The following SDC4 variants were observed in gnomAD, a reference collection of about 807,000 sequenced individuals.
SDC4 encodes syndecan 4, also known as syndecan-4.
Under a neutral mutation model 20.5 loss-of-function variants are expected in SDC4, and 17 were observed. The ratio of observed to expected loss-of-function variants is 0.83; its 90% CI spans 0.57 to 1.25. The LOEUF (loss-of-function observed/expected upper bound fraction) is 1.25, where lower values mean the gene tolerates loss of function less well. Among genes scored for constraint, SDC4 ranks in the 50% most tolerant of loss-of-function variants. The pLI, the probability that SDC4 is intolerant of heterozygous loss-of-function variation, is 0.00. For missense variants in SDC4, 241 were observed against 252.3 expected (o/e 0.96, Z 0.30); for synonymous variants, 107 against 105.3 (o/e 1.02, Z -0.10).
chr20:45,346,092 T>C lies in SDC4; in HGVS notation c.60+2233A>G, dbSNP rs560117373. ...TTTTGTGAGGACAAAATGCACCAGA[T>C]CTGTCATATAAAAAGTACTCTATCA... On this transcript the variant is annotated intron_variant, in intron 1 of 4. Transcript: ENST00000372733. 3.3e-5 allele frequency among the ~76,000 whole-genome samples: 5 copies of C among 152,234 alleles called. No individual in the cohort carries two copies. In the South Asian group the frequency reaches 8.3e-4, roughly 25 times the overall value.
chr20:45,332,696 G>A (rs1369969287), intron 3 of SDC4, among the ~76,000 whole-genome samples: 3 of 152,052 alleles, frequency 2.0e-5, no homozygotes, highest in Non-Finnish European at 4.4e-5. Flanking sequence ...CTGGACTTAA[G>A]CCATTCTCCC....
At chr20:45,343,796 G>A (rs552782727) in intron 1 of SDC4, among the ~76,000 whole-genome samples, 1 of 152,202 alleles carries the variant, frequency 6.6e-6, no homozygotes, top group Admixed American at 6.5e-5. Flanking sequence ...CTGTCACTAA[G>A]TAACACCTCC....
At chr20:45,340,631 C>T (rs1987940891) in intron 1 of SDC4, among the ~76,000 whole-genome samples, 1 of 152,226 alleles carries the variant, frequency 6.6e-6, no homozygotes, top group African/African-American at 2.4e-5. Flanking sequence ...AGTTCAGGGT[C>T]AGGGCTTGGA....
chr20:45,347,984 G>T (rs912745110), intron 1 of SDC4, among the ~76,000 whole-genome samples: 1 of 152,046 alleles, frequency 6.6e-6, no homozygotes, highest in South Asian at 2.1e-4. Context: ...GGGATTCAGC[G>T]CTCCAAGCCT....
chr20:45,331,708 C>G (rs1817350288), intron 3 of SDC4, among the ~76,000 whole-genome samples: 2 of 152,216 alleles, frequency 1.3e-5, no homozygotes, highest in South Asian at 4.1e-4. Context: ...ACACTCCCAT[C>G]AGTGCCATGG....
intron 1 of SDC4, among the ~76,000 whole-genome samples, chr20:45,342,745 ACTG>A (rs1423375420): frequency 6.6e-6 from 1 of 152,260 alleles, no homozygotes; most frequent in East Asian, 1.9e-4. Flanking sequence ...GCCAGAAAGA[ACTG>A]CTGAGATCAG....
intron 1 of SDC4, among the ~76,000 whole-genome samples, chr20:45,341,810 C>G (rs1026004179): frequency 6.6e-6 from 1 of 152,194 alleles, no homozygotes; most frequent in African/African-American, 2.4e-5. Flanking sequence ...AGGGTGCCAG[C>G]TAGAAATGGG....
Position 45,327,136 on chromosome 20 carries a change from A to T in SDC4, c.*128T>A. On this transcript the variant is annotated 3_prime_UTR_variant, in exon 5 of 5. Coordinates refer to ENST00000372733, the MANE Select transcript of SDC4 (RefSeq NM_002999.4). ...ACAATGTCTCTTCTGAACACTTCAA[A>T]GGTAATCAGAGCTGGAGATACTGAC... 1 of 943,634 alleles carries T rather than the reference A, an allele frequency of 1.1e-6. No individual in the cohort carries two copies. The highest frequency in any genetic ancestry group is 1.6e-6 in the Non-Finnish European group (1 of 617,824). The allele number at this position is 943,634 out of a possible 1,614,324, so 58.5% of individuals were successfully genotyped here.
intron 2 of SDC4, among the ~76,000 whole-genome samples, chr20:45,333,546 G>C (rs879206746): frequency 6.6e-6 from 1 of 152,220 alleles, no homozygotes; most frequent in South Asian, 2.1e-4. Context: ...GCACGCGCCT[G>C]TAATCCCAGC....
rs770681724 is a variant in SDC4 at position 45,348,364 on chromosome 20, G to T, written c.21C>A (p.Phe7Leu). The T allele has an allele frequency of 6.3e-6, 10 of 1,590,538 alleles. No homozygotes were observed. Among genetic ancestry groups the T allele is most frequent in the Non-Finnish European group, 8.5e-6 (10 of 1,170,158 alleles). The change falls in exon 1 of 5, where the codon TTC becomes TTA. Residue 7 changes from phenylalanine to leucine, a missense_variant. Phe to Leu is a conservative substitution (Grantham distance 22). Coordinates refer to ENST00000372733, the MANE Select transcript of SDC4 (RefSeq NM_002999.4). MAPARL[F>L]ALLLFFVGGV... Reference sequence around the variant, plus strand: ...CGCCTACGAAGAACAGCAGCAGCGCGAACAGACGGGCGGGGGCCATGGCAC... The same window carrying T: ...CGCCTACGAAGAACAGCAGCAGCGCTAACAGACGGGCGGGGGCCATGGCAC...
At chr20:45,330,299 C>T in intron 4 of SDC4, 67 bp downstream of exon 4, 1 of 1,423,892 alleles carries the variant, frequency 7.0e-7, no homozygotes, top group East Asian at 2.3e-5. Context: ...TCCCTGCCTG[C>T]AGGTGCTCTC....
At chr20:45,348,243 C>CCT (rs1988064026) in intron 1 of SDC4, 82 bp downstream of exon 1, 4 of 1,223,154 alleles carry the variant, frequency 3.3e-6, no homozygotes, top group Non-Finnish European at 4.7e-6. Flanking sequence ...CTGCCCCCCC[C>CCT]CATCCCACGC....
chr20:45,347,894 C>A (rs2072785), intron 1 of SDC4, among the ~76,000 whole-genome samples: 47,043 of 151,482 alleles, frequency 0.31, 8,054 homozygotes, highest in East Asian at 0.42. Context: ...CTCCCCCTTC[C>A]GAGTACACGC....
chr20:45,346,358 T>C (rs1988032274), intron 1 of SDC4, among the ~76,000 whole-genome samples: 1 of 152,178 alleles, frequency 6.6e-6, no homozygotes, highest in Admixed American at 6.5e-5. Flanking sequence ...AGGATGAGAC[T>C]TGACACCTAT....
intron 1 of SDC4, among the ~76,000 whole-genome samples, chr20:45,340,078 A>G (rs1987932864): frequency 6.6e-6 from 1 of 152,160 alleles, no homozygotes; most frequent in African/African-American, 2.4e-5. Flanking sequence ...GGCTGCCCCT[A>G]AGGGTCTCAG....
At chr20:45,343,901 A>G (rs1267510389) in intron 1 of SDC4, among the ~76,000 whole-genome samples, 2 of 152,246 alleles carry the variant, frequency 1.3e-5, no homozygotes, top group Non-Finnish European at 2.9e-5. Flanking sequence ...TTAACAGACC[A>G]GGAGGCTGGG....
chr20:45,333,314 C>A (rs948405121), intron 2 of SDC4, among the ~76,000 whole-genome samples: 2 of 152,192 alleles, frequency 1.3e-5, no homozygotes, highest in Admixed American at 6.5e-5. Context: ...AGCTCTAAAC[C>A]CTTGCTCTGC....
chr20:45,334,113 G>GC (rs1375195241), intron 2 of SDC4, among the ~76,000 whole-genome samples: 2 of 151,824 alleles, frequency 1.3e-5, no homozygotes, highest in Non-Finnish European at 2.9e-5. Flanking sequence ...TCCTGCCTCA[G>GC]CCCCCCGAGT....
At chr20:45,343,414 C>A (rs1027675561) in intron 1 of SDC4, among the ~76,000 whole-genome samples, 1 of 152,142 alleles carries the variant, frequency 6.6e-6, no homozygotes, top group Non-Finnish European at 1.5e-5. Flanking sequence ...AGGAGGGTGA[C>A]CCCAGGTCCT....
Sources: allele counts gnomAD v4.1 joint callset (sites outside exome capture counted in the v4.1 genomes callset), GRCh38; gene constraint gnomAD v4.1.1; transcripts MANE v1.5; gene names NCBI Gene and HGNC (gene_info 2026-07-23, HGNC 2026-07-21).